Variants in MAPKAPK2 observed in about 807,000 individuals in gnomAD.
The protein encoded by MAPKAPK2 is MAP kinase-activated protein kinase 2.
Under a neutral mutation model 48.8 loss-of-function variants are expected in MAPKAPK2, and 9 were observed. That is an observed-to-expected ratio of 0.18 (90% confidence interval 0.11 to 0.32). The LOEUF (loss-of-function observed/expected upper bound fraction) is 0.32, where lower values mean the gene tolerates loss of function less well. Among genes scored for constraint, MAPKAPK2 ranks in the 10% least tolerant of loss-of-function variants. The pLI is 1.00. For missense variants in MAPKAPK2, 331 were observed against 498.3 expected (o/e 0.66, Z 3.20); for synonymous variants, 202 against 190.6 (o/e 1.06, Z -0.49).
intron 1 of MAPKAPK2, among the ~76,000 whole-genome samples, chr1:206,713,107 A>T (rs1282187171): frequency 6.6e-6 from 1 of 152,214 alleles, no homozygotes; most frequent in African/African-American, 2.4e-5. Flanking sequence ...ATTTGAAATC[A>T]AAAGATGAAC....
chr1:206,725,011 G>C (rs1673660804), intron 1 of MAPKAPK2, among the ~76,000 whole-genome samples: 1 of 140,878 alleles, frequency 7.1e-6, no homozygotes, highest in Non-Finnish European at 1.6e-5. Context: ...AGAAAGATAG[G>C]TGGGCTTGCA....
intron 1 of MAPKAPK2, among the ~76,000 whole-genome samples, chr1:206,706,141 T>TTTATTTGC (rs1448460665): frequency 2.6e-5 from 4 of 151,200 alleles, no homozygotes; most frequent in Non-Finnish European, 5.9e-5. Context: ...TATTTATTTA[T>TTTATTTGC]TTATTTATTT....
chr1:206,723,276 C>T (rs1673596547), intron 1 of MAPKAPK2, among the ~76,000 whole-genome samples: 2 of 152,282 alleles, frequency 1.3e-5, no homozygotes. Flanking sequence ...CCCAGTTGCC[C>T]CCCCCAGTGG....
In MAPKAPK2 at chr1:206,731,410, C is replaced by T. The variant is rs942693997; in HGVS notation, c.892+148C>T. Reference sequence around the variant, plus strand: ...CACCTATGCCCACGCCTGCGGGGTGCGTCCTGCTTCATTTTGCCTGTGTGG... The same window carrying T: ...CACCTATGCCCACGCCTGCGGGGTGTGTCCTGCTTCATTTTGCCTGTGTGG... On this transcript the variant is annotated intron_variant, in intron 7 of 9. Transcript: ENST00000367103. The surrounding 1 kb of genome is among the most constrained non-coding windows in gnomAD (Gnocchi z 5.9). 2.0e-5 allele frequency: 29 copies of T among 1,428,344 alleles called. No individual in the cohort carries two copies. In the African/African-American group the frequency reaches 2.5e-4, roughly 13 times the overall value. 88.5% of individuals were successfully genotyped at this position (1,428,344 alleles called of 1,614,324 possible).
intron 1 of MAPKAPK2, among the ~76,000 whole-genome samples, chr1:206,705,651 G>T (rs1193905446): frequency 6.6e-6 from 1 of 152,212 alleles, no homozygotes; most frequent in Non-Finnish European, 1.5e-5. Flanking sequence ...CAACCCAAGG[G>T]CATCTGGAGG....
chr1:206,732,844 C>A lies in MAPKAPK2; in HGVS notation c.*126C>A. Reference sequence around the variant, plus strand: ...CTCCTCAGCTGCATGGAGCCTGGAACTGCATCAGTGACTGAATTCTGCCTT... The same window carrying A: ...CTCCTCAGCTGCATGGAGCCTGGAAATGCATCAGTGACTGAATTCTGCCTT... On this transcript the variant is annotated 3_prime_UTR_variant, in exon 10 of 10. Coordinates refer to ENST00000367103, the MANE Select transcript of MAPKAPK2 (RefSeq NM_032960.4). This position sits in a 1 kb window ranked among gnomAD's most constrained non-coding sequence, Gnocchi z 4.4. The A allele has an allele frequency of 8.8e-7, 1 of 1,132,632 alleles. No individual in the cohort carries two copies. The highest frequency in any genetic ancestry group is 1.2e-6 in the Non-Finnish European group (1 of 808,820). 70.2% of individuals were successfully genotyped at this position (1,132,632 alleles called of 1,614,324 possible). A position where few individuals can be genotyped will look rare whatever the true frequency, so the allele number is the denominator to read the frequency against.
intron 1 of MAPKAPK2, among the ~76,000 whole-genome samples, chr1:206,697,406 A>G (rs1672665202): frequency 6.6e-6 from 1 of 152,200 alleles, no homozygotes; most frequent in Admixed American, 6.5e-5. Context: ...TTTATTGCTC[A>G]CAGTTCTGCA....
chr1:206,713,319 G>A (rs1220347880), intron 1 of MAPKAPK2, among the ~76,000 whole-genome samples: 1 of 152,234 alleles, frequency 6.6e-6, no homozygotes, highest in Non-Finnish European at 1.5e-5. Context: ...CAGACGTGAA[G>A]TCATGACAAG....
chr1:206,701,830 CTAAAAAAAAAA>C (rs1315173016), intron 1 of MAPKAPK2, among the ~76,000 whole-genome samples: 2 of 80,212 alleles, frequency 2.5e-5, no homozygotes, highest in Non-Finnish European at 4.9e-5. Flanking sequence ...GACCCTGTCT[CTAAAAAAAAAA>C]AAAAAAAAAA....
intron 1 of MAPKAPK2, among the ~76,000 whole-genome samples, chr1:206,689,972 C>T (rs1313444598): frequency 1.3e-5 from 2 of 152,110 alleles, no homozygotes; most frequent in African/African-American, 4.8e-5. Flanking sequence ...CTAAGGGAGG[C>T]TCCAGCTGGG....
Position 206,732,926 on chromosome 1 carries a change from G to C in MAPKAPK2, c.*208G>C. The C allele has an allele frequency of 1.8e-6, 1 of 560,672 alleles. No individual in the cohort carries two copies. The highest frequency in any genetic ancestry group is 3.1e-6 in the Non-Finnish European group (1 of 323,138). The allele number at this position is 560,672 out of a possible 1,614,324, so 34.7% of individuals were successfully genotyped here. On this transcript the variant is annotated 3_prime_UTR_variant, in exon 10 of 10. Coordinates refer to ENST00000367103, the MANE Select transcript of MAPKAPK2 (RefSeq NM_032960.4). This position sits in a 1 kb window ranked among gnomAD's most constrained non-coding sequence, Gnocchi z 4.4. ...GGAGGTTGGGAGGCTGTGGAGAGAA[G>C]TGAGCAAGGTGCTCTTGAACCTGTG...
chr1:206,710,536 T>C (rs1673112113), intron 1 of MAPKAPK2, among the ~76,000 whole-genome samples: 1 of 152,226 alleles, frequency 6.6e-6, no homozygotes, highest in Non-Finnish European at 1.5e-5. Context: ...ACTAGATAGC[T>C]GACTGTGGGA....
rs782152248 is a variant in MAPKAPK2, at chr1:206,728,782, G to A, written c.352G>A (p.Val118Ile). Residue 118 changes from valine to isoleucine, a missense_variant, in exon 2 of 10, where the codon GTA (valine) becomes ATA (isoleucine). Physicochemically the swap from Val to Ile is conservative, Grantham distance 29. This residue lies in a region of MAPKAPK2 where 111 missense variants were observed against 193.6 expected (regional missense o/e 0.57). Transcript: ENST00000367103. ...GCGGGCCTCCCAGTGCCCGCACATC[G>A]TACGGATCGTGGATGTGTACGAGAA... is the stretch of plus-strand genomic sequence containing the variant. ...HWRASQCPHI[V>I]RIVDVYENLY... The A allele has an allele frequency of 1.5e-5, 25 of 1,613,956 alleles. No individual in the cohort carries two copies. Among genetic ancestry groups the A allele is most frequent in the Non-Finnish European group, 2.0e-5 (24 of 1,180,028 alleles).
At chr1:206,692,398 A>G (rs1158908503) in intron 1 of MAPKAPK2, among the ~76,000 whole-genome samples, 3 of 152,236 alleles carry the variant, frequency 2.0e-5, no homozygotes, top group Non-Finnish European at 4.4e-5. Flanking sequence ...CCAAGGAAGC[A>G]GGAGGAAAAG....
At position 206,728,969 on chromosome 1, in the gene MAPKAPK2, T is replaced by TG. The variant is rs1305132027; in HGVS notation, c.420-60dup. Reference sequence around the variant, plus strand: ...CCTGGAATGTAAACACTTGATTTTTTGGGGGGCAGTGGAGAGTGGCGGCGG... The same window carrying TG: ...CCTGGAATGTAAACACTTGATTTTTTGGGGGGGCAGTGGAGAGTGGCGGCGG... On this transcript the variant is annotated intron_variant, in intron 2 of 9. Coordinates refer to ENST00000367103, the MANE Select transcript of MAPKAPK2 (RefSeq NM_032960.4). 4 of 1,610,616 alleles carry TG rather than the reference T, an allele frequency of 2.5e-6. No homozygotes were observed. The African/African-American group carries it at 4.0e-5, about 16-fold the overall frequency.
intron 1 of MAPKAPK2, among the ~76,000 whole-genome samples, chr1:206,727,234 A>T (rs782694895): frequency 6.6e-5 from 10 of 152,238 alleles, no homozygotes; most frequent in Admixed American, 2.0e-4. Context: ...TAGTGAGTGC[A>T]TGTCAGATAC....
chr1:206,731,853 C>T lies in MAPKAPK2; in HGVS notation c.993C>T (p.Val331=), dbSNP rs148086593. 2.0e-4 allele frequency: 324 copies of T among 1,613,986 alleles called. No homozygotes were observed. The highest frequency in any genetic ancestry group is 1.6e-4 in the Non-Finnish European group (191 of 1,180,006). The change falls in exon 9 of 10, where the codon GTC becomes GTT. Residue 331 remains valine (V), a synonymous_variant. Transcript: ENST00000367103. This position sits in a 1 kb window ranked among gnomAD's most constrained non-coding sequence, Gnocchi z 5.9. The part of the protein sequence containing the change: ...NHPWIMQSTK[V]PQTPLHTSRV... ...TCTCTTCTCAGCAATCAACAAAGGT[C>T]CCTCAAACCCCACTGCACACCAGCC... is the stretch of plus-strand genomic sequence containing the variant.
intron 1 of MAPKAPK2, among the ~76,000 whole-genome samples, chr1:206,714,799 GT>G (rs1268857174): frequency 6.7e-6 from 1 of 149,976 alleles, no homozygotes; most frequent in Non-Finnish European, 1.5e-5. Flanking sequence ...CAACCCCCCA[GT>G]TTTTTATATC....
In MAPKAPK2 at chr1:206,711,588, T is replaced by C. The variant is rs548160841; in HGVS notation, c.280-17122T>C. Among the ~76,000 whole-genome samples, 186 of 151,452 alleles carry C rather than the reference T, an allele frequency of 1.2e-3. 2 individuals are homozygous for C. The highest frequency in any genetic ancestry group is 3.7e-3 in the African/African-American group (153 of 41,238). On this transcript the variant is annotated intron_variant, in intron 1 of 9. Coordinates refer to ENST00000367103, the MANE Select transcript of MAPKAPK2 (RefSeq NM_032960.4). Reference sequence around the variant, plus strand: ...TTTTGAAGAACTTTTGATTTCAGTATGTCTTAATCTACCTCATTCTTTTTT... The same window carrying C: ...TTTTGAAGAACTTTTGATTTCAGTACGTCTTAATCTACCTCATTCTTTTTT...
Sources: gnomAD v4.1 joint callset for allele counts (sites outside exome capture counted in the v4.1 genomes callset) on GRCh38, gnomAD v4.1.1 for gene constraint, gnomAD v4.1.1 regional missense constraint, Gnocchi (gnomAD v3.1) non-coding constraint, MANE v1.5 for transcripts, NCBI Gene and HGNC (gene_info 2026-07-23, HGNC 2026-07-21) for gene names.